The following APBB1IP variants were observed in gnomAD, a reference collection of about 807,000 sequenced individuals.
The protein encoded by APBB1IP is amyloid beta A4 precursor protein-binding family B member 1-interacting protein.
Under a neutral mutation model 64.9 loss-of-function variants are expected in APBB1IP, and 27 were observed. The ratio of observed to expected loss-of-function variants is 0.42; its 90% CI spans 0.31 to 0.57. APBB1IP has a LOEUF of 0.57. Ranked by LOEUF, APBB1IP falls within the 20% of genes least tolerant of loss-of-function variation. APBB1IP has a pLI of 0.20. For synonymous variants in APBB1IP, 392 were observed against 331.0 expected, an observed-to-expected ratio of 1.18 and a Z score of -2.00; for missense variants, 812 against 845.5, an observed-to-expected ratio of 0.96 and a Z score of 0.49.
chr10:26,514,152 A>G (rs1836296300), intron 8 of APBB1IP, among the ~76,000 whole-genome samples: 1 of 152,240 alleles, frequency 6.6e-6, no homozygotes, highest in South Asian at 2.1e-4. Flanking sequence ...ATGTACGCTA[A>G]CAGTCCTTTG....
At chr10:26,470,853 G>A (rs528034854) in intron 2 of APBB1IP, among the ~76,000 whole-genome samples, 70 of 151,764 alleles carry the variant, frequency 4.6e-4, no homozygotes, top group African/African-American at 1.3e-3. Flanking sequence ...CTCAGCCTGT[G>A]TAATTGCCCA....
chr10:26,561,064 C>CTTTCTTTTTTTT (rs1218039459), intron 13 of APBB1IP, among the ~76,000 whole-genome samples: 12 of 69,212 alleles, frequency 1.7e-4, no homozygotes, highest in Non-Finnish European at 2.5e-4. Context: ...TTCTTTCTTT[C>CTTTCTTTTTTTT]TTTTTTTTTT....
chr10:26,544,745 G>C (rs1194406016), intron 11 of APBB1IP, among the ~76,000 whole-genome samples: 1 of 152,192 alleles, frequency 6.6e-6, no homozygotes, highest in Non-Finnish European at 1.5e-5. Context: ...ATAAGTTTGG[G>C]ACTAGGACCT....
At chr10:26,462,931 G>A (rs1001044034) in intron 2 of APBB1IP, among the ~76,000 whole-genome samples, 6 of 152,188 alleles carry the variant, frequency 3.9e-5, no homozygotes, top group African/African-American at 1.4e-4. Context: ...GACATAGAAG[G>A]TGGTATGGAT....
At chr10:26,528,675 G>A (rs774108359) in intron 8 of APBB1IP, among the ~76,000 whole-genome samples, 5 of 152,110 alleles carry the variant, frequency 3.3e-5, no homozygotes, top group African/African-American at 7.2e-5. Context: ...GGTGGCTCAC[G>A]CCTGTAATCC....
intron 2 of APBB1IP, among the ~76,000 whole-genome samples, chr10:26,444,620 AGAT>A (rs1324564367): frequency 6.6e-6 from 1 of 152,152 alleles, no homozygotes; most frequent in African/African-American, 2.4e-5. Flanking sequence ...GTTGGAAGGG[AGAT>A]GATTAGAAGT....
At chr10:26,551,508 A>G (rs1588616546) in intron 11 of APBB1IP, among the ~76,000 whole-genome samples, 3 of 152,274 alleles carry the variant, frequency 2.0e-5, no homozygotes, top group Non-Finnish European at 1.5e-5. Flanking sequence ...TTGTGCGTGG[A>G]TAGAAGCCGT....
chr10:26,453,337 A>G (rs1193498104), intron 2 of APBB1IP, among the ~76,000 whole-genome samples: 2 of 152,060 alleles, frequency 1.3e-5, no homozygotes, highest in Non-Finnish European at 2.9e-5. Context: ...GAAGATGGAG[A>G]TGAAATTGGA....
intron 2 of APBB1IP, among the ~76,000 whole-genome samples, chr10:26,454,951 G>C (rs2132401672): frequency 6.6e-6 from 1 of 152,280 alleles, no homozygotes; most frequent in South Asian, 2.1e-4. Context: ...AATTGGGAGG[G>C]CTTTGAATGG....
At chr10:26,562,220 T>A (rs1836982238) in intron 13 of APBB1IP, 106 bp from the exon 14 acceptor site, 3 of 828,254 alleles carry the variant, frequency 3.6e-6, no homozygotes, top group Admixed American at 2.1e-5. Context: ...CCAACAAGTA[T>A]CTTTCTTTGC....
intron 2 of APBB1IP, among the ~76,000 whole-genome samples, chr10:26,479,294 C>CA (rs1158421940): frequency 0.19 from 164 of 884 alleles, 70 homozygotes; most frequent in Non-Finnish European, 0.21. Context: ...GACTCCGTCT[C>CA]AAAAAAAAAA....
chr10:26,463,905 C>T (rs191114439), intron 2 of APBB1IP, among the ~76,000 whole-genome samples: 154 of 152,272 alleles, frequency 1.0e-3, no homozygotes, highest in Middle Eastern at 3.4e-3. Flanking sequence ...CCCCCAACCC[C>T]GGACAGGCCC....
chr10:26,496,308 T>C lies in APBB1IP; in HGVS notation c.77T>C (p.Leu26Ser). 6.2e-7 allele frequency: 1 copy of C among 1,611,040 alleles called. No homozygotes were observed. Among genetic ancestry groups the C allele is most frequent in the Non-Finnish European group, 8.5e-7 (1 of 1,177,606 alleles). The change falls in exon 4 of 15, where the codon TTA (leucine) becomes TCA (serine). Residue 26 changes from leucine to serine, a missense_variant. Coordinates refer to ENST00000376236, the MANE Select transcript of APBB1IP (RefSeq NM_019043.4). The stretch of plus-strand genomic sequence containing the variant: ...TGGGGGGATCTTTTTTCACAGAGTT[T>C]AGGAGTTGACACTCTCCCTCCTCCT... ...LGEMDLLTQSLGVDTLPPPDP... is the reference protein window; with the variant it reads ...LGEMDLLTQSSGVDTLPPPDP...
intron 2 of APBB1IP, among the ~76,000 whole-genome samples, chr10:26,456,946 A>C (rs952908385): frequency 1.3e-5 from 2 of 152,110 alleles, no homozygotes; most frequent in African/African-American, 4.8e-5. Flanking sequence ...GGCTAAACTG[A>C]CCAGACAAAC....
chr10:26,481,155 T>C (rs1186563378), intron 2 of APBB1IP, among the ~76,000 whole-genome samples: 1 of 152,138 alleles, frequency 6.6e-6, no homozygotes, highest in African/African-American at 2.4e-5. Flanking sequence ...GTCTACAACT[T>C]GTCTCCCAGA....
intron 2 of APBB1IP, among the ~76,000 whole-genome samples, chr10:26,476,046 G>T (rs1835771415): frequency 6.6e-6 from 1 of 151,320 alleles, no homozygotes. Flanking sequence ...TGGGCAAGAT[G>T]CTGTCTTTAT....
intron 2 of APBB1IP, among the ~76,000 whole-genome samples, chr10:26,440,478 T>C (rs1274275540): frequency 6.6e-6 from 1 of 152,230 alleles, no homozygotes; most frequent in Non-Finnish European, 1.5e-5. Flanking sequence ...GAGAAGTTCC[T>C]GTAAAAGCGC....
rs762345104 is a variant in APBB1IP, at chr10:26,445,128, A to AAAAGAAAG, written c.-1+6335_-1+6342dup. Among the ~76,000 whole-genome samples the AAAAGAAAG allele has an allele frequency of 6.3e-4, 64 of 102,172 alleles. 1 individual carries two copies. The highest frequency in any genetic ancestry group is 1.6e-3 in the East Asian group (5 of 3,064). 67.0% of individuals were successfully genotyped at this position (102,172 alleles called of 152,430 possible). A position where few individuals can be genotyped will look rare whatever the true frequency, so the allele number is the denominator to read the frequency against. ...AAAAGAGGAAAAGAAAGAAAGAAAG[A>AAAAGAAAG]AAAGAAAGAAAGAAAGAAAGAAAGA... On this transcript the variant is annotated intron_variant, in intron 2 of 14. Coordinates refer to ENST00000376236, the MANE Select transcript of APBB1IP (RefSeq NM_019043.4).
At chr10:26,539,919 T>C (rs1251668169) in intron 10 of APBB1IP, among the ~76,000 whole-genome samples, 2 of 152,054 alleles carry the variant, frequency 1.3e-5, no homozygotes, top group Non-Finnish European at 2.9e-5. Context: ...ATAAACAATA[T>C]AGATAATATC....
Sources: allele counts gnomAD v4.1 joint callset (sites outside exome capture counted in the v4.1 genomes callset), GRCh38; gene constraint gnomAD v4.1.1; transcripts MANE v1.5; gene names NCBI Gene and HGNC (gene_info 2026-07-23, HGNC 2026-07-21).